Variants in P2RX7 observed in about 807,000 individuals in gnomAD.
The protein encoded by P2RX7 is P2X purinoceptor 7.
In P2RX7, 62 loss-of-function variants were observed where a neutral mutation model predicts 71.6. The observed-to-expected ratio is 0.87, with a 90% CI of 0.71 to 1.07. The LOEUF is 1.07. Ranked by LOEUF, P2RX7 falls within the 50% of genes least tolerant of loss-of-function variation. The pLI, the probability that P2RX7 is intolerant of heterozygous loss-of-function variation, is 0.00. For missense variants in P2RX7, 686 were observed against 748.5 expected (o/e 0.92, Z 0.97); for synonymous variants, 299 against 283.3 (o/e 1.06, Z -0.56).
chr12:121,151,622 G>T (rs1259751512), intron 1 of P2RX7, among the ~76,000 whole-genome samples: 1 of 151,814 alleles, frequency 6.6e-6, no homozygotes, highest in Non-Finnish European at 1.5e-5. Context: ...TTTTTTATTG[G>T]GGTGAAATTC....
In P2RX7 at chr12:121,185,176, C is replaced by T. The variant is rs138974168; in HGVS notation, c.*374C>T. 9 of 173,996 alleles carry T rather than the reference C, an allele frequency of 5.2e-5. No individual in the cohort carries two copies. The East Asian group carries it at 1.5e-3, about 28-fold the overall frequency. The allele number at this position is 173,996 out of a possible 1,614,324, so 10.8% of individuals were successfully genotyped here. ...CAACTTGAACTTCACCTGCAAAGCT[C>T]TGTGGCCACATTTTCAGCCAAAGGG... On this transcript the variant is annotated 3_prime_UTR_variant, in exon 13 of 13. Coordinates refer to ENST00000328963, the MANE Select transcript of P2RX7 (RefSeq NM_002562.6).
chr12:121,175,310 C>CAACAAAAAAA (rs1882895932), intron 8 of P2RX7, 78 bp from the exon 9 acceptor site: 1 of 375,090 alleles, frequency 2.7e-6, no homozygotes, highest in African/African-American at 4.1e-5. Context: ...GACCCTGTCT[C>CAACAAAAAAA]AAAAAAAAAA....
In P2RX7 at chr12:121,149,553, C is replaced by T. The variant is rs961512455; in HGVS notation, c.126-5232C>T. Among the ~76,000 whole-genome samples, 2 of 152,112 alleles carry T rather than the reference C, an allele frequency of 1.3e-5. No homozygotes were observed. The highest frequency in any genetic ancestry group is 2.9e-5 in the Non-Finnish European group (2 of 68,034). ...ATCCCATGAGACTTACTCACTATCA[C>T]GAGAACAGTATGGGGGAAACTGCCC... On this transcript the variant is annotated intron_variant, in intron 1 of 12. Coordinates refer to ENST00000328963, the MANE Select transcript of P2RX7 (RefSeq NM_002562.6). The surrounding 1 kb of genome is among the most constrained non-coding windows in gnomAD (Gnocchi z 4.7).
intron 1 of P2RX7, among the ~76,000 whole-genome samples, chr12:121,142,961 G>T (rs925885568): frequency 1.3e-5 from 2 of 151,476 alleles, no homozygotes; most frequent in Admixed American, 6.6e-5. Flanking sequence ...CGCACCTGTA[G>T]TCCCAGCTAC....
chr12:121,140,829 T>G (rs1445588770), intron 1 of P2RX7, among the ~76,000 whole-genome samples: 1 of 152,200 alleles, frequency 6.6e-6, no homozygotes, highest in African/African-American at 2.4e-5. Context: ...GCTCAACGCC[T>G]GTAATCCCAA....
chr12:121,178,967 A>G (rs1883638821), intron 11 of P2RX7, among the ~76,000 whole-genome samples: 1 of 151,904 alleles, frequency 6.6e-6, no homozygotes, highest in African/African-American at 2.4e-5. Flanking sequence ...TATTCTATAT[A>G]TACACAAGTG....
chr12:121,173,941 G>A (rs1419336443), intron 8 of P2RX7, among the ~76,000 whole-genome samples: 2 of 151,986 alleles, frequency 1.3e-5, no homozygotes, highest in African/African-American at 4.8e-5. Flanking sequence ...GTTCAAGGCT[G>A]CAACAAGCTA....
chr12:121,183,733 A>G (rs958078154), intron 12 of P2RX7, among the ~76,000 whole-genome samples: 23 of 152,066 alleles, frequency 1.5e-4, no homozygotes, highest in African/African-American at 5.6e-4. Flanking sequence ...TGACATCTCA[A>G]CAGAGGCCTG....
At chr12:121,141,795 G>T (rs1874935989) in intron 1 of P2RX7, among the ~76,000 whole-genome samples, 1 of 152,090 alleles carries the variant, frequency 6.6e-6, no homozygotes, top group East Asian at 1.9e-4. Context: ...ATTGGTTGTG[G>T]GAGTGGGTGA....
chr12:121,134,540 C>T (rs1257921752), intron 1 of P2RX7, among the ~76,000 whole-genome samples: 2 of 152,098 alleles, frequency 1.3e-5, no homozygotes, highest in Non-Finnish European at 2.9e-5. Flanking sequence ...TACAGGTGTG[C>T]GTCACCACTC....
intron 9 of P2RX7, among the ~76,000 whole-genome samples, chr12:121,175,835 G>A (rs957283726): frequency 1.3e-5 from 2 of 151,812 alleles, no homozygotes; most frequent in Admixed American, 6.6e-5. Context: ...TTGGGTTCAC[G>A]TAACTGAAAA....
intron 1 of P2RX7, among the ~76,000 whole-genome samples, chr12:121,152,692 A>G (rs1877701619): frequency 1.3e-5 from 2 of 152,150 alleles, no homozygotes; most frequent in Non-Finnish European, 1.5e-5. Context: ...GTTAATTTTT[A>G]TTTTTAGTAG....
chr12:121,135,246 G>A (rs1873304682), intron 1 of P2RX7, among the ~76,000 whole-genome samples: 1 of 152,072 alleles, frequency 6.6e-6, no homozygotes, highest in Admixed American at 6.6e-5. Flanking sequence ...GGCTGAGGCA[G>A]GAGAATCGCT....
rs202085453 is a variant in P2RX7 at position 121,185,764 on chromosome 12, T to G, written c.*962T>G. On this transcript the variant is annotated 3_prime_UTR_variant, in exon 13 of 13. Coordinates refer to ENST00000328963, the MANE Select transcript of P2RX7 (RefSeq NM_002562.6). The stretch of plus-strand genomic sequence containing the variant: ...GGAAGCCAGACGCCATTTAAAAGTC[T>G]GCCTATCCTGGCCAGGTGTGGTGGC... 24 of 152,478 alleles carry G rather than the reference T, an allele frequency of 1.6e-4. No individual in the cohort carries two copies. Among genetic ancestry groups the G allele is most frequent in the African/African-American group, 5.8e-4 (24 of 41,562 alleles). The allele number at this position is 152,478 out of a possible 1,614,324, so 9.4% of individuals were successfully genotyped here.
At chr12:121,184,044 G>A (rs145127026) in intron 12 of P2RX7, among the ~76,000 whole-genome samples, 4 of 147,852 alleles carry the variant, frequency 2.7e-5, no homozygotes, top group African/African-American at 7.5e-5. Flanking sequence ...CAGCCTGTGC[G>A]ACAGAGTGAG....
At chr12:121,155,109 C>A (rs1223789445) in intron 2 of P2RX7, 156 bp downstream of exon 2, 5 of 1,473,246 alleles carry the variant, frequency 3.4e-6, no homozygotes, top group Non-Finnish European at 4.5e-6. Flanking sequence ...CTAAAAATTG[C>A]AAAACTGGGT....
intron 7 of P2RX7, 80 bp from the exon 8 acceptor site, chr12:121,167,408 C>T (rs1881308104): frequency 6.5e-7 from 1 of 1,539,386 alleles, no homozygotes; most frequent in Non-Finnish European, 8.9e-7. Flanking sequence ...TTAAGCAATC[C>T]TGGCTATGCA....
At chr12:121,135,082 T>C (rs1873259126) in intron 1 of P2RX7, among the ~76,000 whole-genome samples, 1 of 152,158 alleles carries the variant, frequency 6.6e-6, no homozygotes, top group South Asian at 2.1e-4. Context: ...GGCTCACACC[T>C]GTAATCCCAA....
Position 121,177,411 on chromosome 12 carries a change from AG to A in P2RX7, c.1155del (p.Lys386ArgfsTer13). 6.2e-7 allele frequency: 1 copy of A among 1,613,736 alleles called. No homozygotes were observed. The highest frequency in any genetic ancestry group is 2.2e-5 in the East Asian group (1 of 44,872). On this transcript the variant is annotated frameshift_variant, in exon 11 of 13. Transcript: ENST00000328963. LOFTEE classifies it high-confidence loss of function. The part of the protein sequence containing the change: ...QPCVVNEYYY[R>X]KKCESIVEPK... The stretch of plus-strand genomic sequence containing the variant: ...CTGTGTGGTCAACGAATACTACTAC[AG>A]GAAGAAGTGCGAGTCCATTGTGGAG...
Sources: allele counts gnomAD v4.1 joint callset (sites outside exome capture counted in the v4.1 genomes callset), GRCh38; gene constraint gnomAD v4.1.1; non-coding constraint Gnocchi (gnomAD v3.1); transcripts MANE v1.5; gene names NCBI Gene and HGNC (gene_info 2026-07-23, HGNC 2026-07-21).